F13B: variants seen among roughly 807,000 people sequenced by gnomAD.
F13B encodes coagulation factor XIII B chain, also known as TGase.
F13B carries 58 observed loss-of-function variants against 79.8 expected under a neutral mutation model. The ratio of observed to expected loss-of-function variants is 0.73; its 90% CI spans 0.59 to 0.90. The LOEUF (loss-of-function observed/expected upper bound fraction) is 0.90. Among genes scored for constraint, F13B ranks in the 40% least tolerant of loss-of-function variants. F13B has a pLI of 0.00. For missense variants in F13B, 773 were observed against 777.0 expected (o/e 0.99, Z 0.06); for synonymous variants, 283 against 260.3 (o/e 1.09, Z -0.84).
At chr1:197,045,847 A>G (rs1218775474) in intron 10 of F13B, among the ~76,000 whole-genome samples, 1 of 152,238 alleles carries the variant, frequency 6.6e-6, no homozygotes, top group East Asian at 1.9e-4. Flanking sequence ...CTGGGATGCA[A>G]TGCTGGTTCA....
intron 1 of F13B, among the ~76,000 whole-genome samples, chr1:197,066,848 C>T (rs1348461154): frequency 1.3e-5 from 2 of 152,024 alleles, no homozygotes; most frequent in African/African-American, 2.4e-5. Flanking sequence ...TTAAAGTTAA[C>T]ATGTGACTTC....
At chr1:197,067,069 TAGA>T (rs952462865) in intron 1 of F13B, 88 bp downstream of exon 1, 21 of 618,934 alleles carry the variant, frequency 3.4e-5, no homozygotes, top group African/African-American at 3.0e-4. Flanking sequence ...ATAATGAAAA[TAGA>T]AGAGTATATT....
chr1:197,062,770 C>T, intron 2 of F13B, 87 bp downstream of exon 2: 1 of 1,320,104 alleles, frequency 7.6e-7, no homozygotes. Context: ...AAAGGTTTAA[C>T]CGCTTTCCAT....
At position 197,060,450 on chromosome 1, in the gene F13B, A is replaced by G; in HGVS notation, c.721T>C (p.Cys241Arg). Reference protein sequence around the residue: ...YEEGDVVQFFCHENYYLSGSD... With the variant: ...YEEGDVVQFFRHENYYLSGSD... ...CCACTTAGATAATAATTTTCATGACAGAAAAACTGAACGACATCTCCTTCT... is the reference window on the plus strand; with the variant it reads ...CCACTTAGATAATAATTTTCATGACGGAAAAACTGAACGACATCTCCTTCT... The change falls in exon 5 of 12, where the codon TGT becomes CGT. Residue 241 changes from cysteine (C) to arginine (R), a missense_variant. Transcript: ENST00000367412. 1 of 1,610,442 alleles carries G rather than the reference A, an allele frequency of 6.2e-7. No homozygotes were observed. Among genetic ancestry groups the G allele is most frequent in the South Asian group, 1.1e-5 (1 of 90,666 alleles).
At position 197,060,434 on chromosome 1, in the gene F13B, T is replaced by G. The variant is rs1243578751; in HGVS notation, c.737A>C (p.Tyr246Ser). Residue 246 changes from tyrosine (Y) to serine (S), a missense_variant, in exon 5 of 12, where the codon TAT becomes TCT. Tyr to Ser is a moderately radical substitution (Grantham distance 144). Coordinates refer to ENST00000367412, the MANE Select transcript of F13B (RefSeq NM_001994.3). Reference protein sequence around the residue: ...VVQFFCHENYYLSGSDLIQCY... With the variant: ...VVQFFCHENYSLSGSDLIQCY... The stretch of plus-strand genomic sequence containing the variant: ...TTGAATTAAATCAGATCCACTTAGA[T>G]AATAATTTTCATGACAGAAAAACTG... 1 of 1,611,710 alleles carries G rather than the reference T, an allele frequency of 6.2e-7. No individual in the cohort carries two copies. Among genetic ancestry groups the G allele is most frequent in the African/African-American group, 1.3e-5 (1 of 74,860 alleles).
chr1:197,049,349 G>A (rs1655356853), intron 10 of F13B, among the ~76,000 whole-genome samples: 1 of 151,848 alleles, frequency 6.6e-6, no homozygotes, highest in Admixed American at 6.6e-5. Flanking sequence ...CTAATAAAAT[G>A]TATAGACCCT....
At chr1:197,057,757 G>A (rs1322073864) in intron 5 of F13B, among the ~76,000 whole-genome samples, 1 of 151,714 alleles carries the variant, frequency 6.6e-6, no homozygotes, top group Non-Finnish European at 1.5e-5. Context: ...CTTGCCAAGA[G>A]ACTCTCTATC....
chr1:197,066,893 G>A (rs1345757068), intron 1 of F13B, among the ~76,000 whole-genome samples: 1 of 152,034 alleles, frequency 6.6e-6, no homozygotes, highest in South Asian at 2.1e-4. Flanking sequence ...AAACCTTTTC[G>A]AAGTATTTAG....
At chr1:197,066,215 T>C (rs1465795551) in intron 1 of F13B, among the ~76,000 whole-genome samples, 1 of 152,198 alleles carries the variant, frequency 6.6e-6, no homozygotes, top group African/African-American at 2.4e-5. Flanking sequence ...TTCACTTTTA[T>C]AATTTTAATT....
At position 197,052,698 on chromosome 1, in the gene F13B, T is replaced by G. The variant is rs535360566; in HGVS notation, c.1491A>C (p.Pro497=). 10 of 1,612,134 alleles carry G rather than the reference T, an allele frequency of 6.2e-6. No individual in the cohort carries two copies. The East Asian group carries it at 1.6e-4, about 25-fold the overall frequency. The change falls in exon 9 of 12, where the codon CCA becomes CCC. Residue 497 remains proline, a synonymous_variant. Transcript: ENST00000367412. ...KQGYDLSPLT[P]LSELSVQCNR... ...TGCACTGCACAGATAATTCAGACAA[T>G]GGGGTTAATGGAGATAAGTCATATC...
intron 11 of F13B, chr1:197,040,306 G>T: frequency 2.0e-6 from 1 of 497,590 alleles, no homozygotes. Flanking sequence ...ATATCAAATG[G>T]CAAACGTTGC....
At position 197,057,068 on chromosome 1, in the gene F13B, T is replaced by C. The variant is rs747707592; in HGVS notation, c.1116A>G (p.Gly372=). ...YACKSGYLLH[G]SNEITCNRGK... ...CACGATTACAAGTTATCTCATTCGA[T>C]CCATGGAGAAGGTAGCCGCTTTTAC... The change falls in exon 7 of 12, where the codon GGA becomes GGG. Residue 372 remains glycine (G), a synonymous_variant. Coordinates refer to ENST00000367412, the MANE Select transcript of F13B (RefSeq NM_001994.3). The C allele has an allele frequency of 6.2e-7, 1 of 1,613,706 alleles. No homozygotes were observed. Among genetic ancestry groups the C allele is most frequent in the African/African-American group, 1.3e-5 (1 of 74,926 alleles).
At position 197,052,850 on chromosome 1, in the gene F13B, C is replaced by T. The variant is rs377130110; in HGVS notation, c.1355-16G>A. The stretch of plus-strand genomic sequence containing the variant: ...GTACATGGTTCTGTAAAACAAAATG[C>T]TCTTTTAAATTCTTTACTTGTCTGA... On this transcript the variant is annotated splice_polypyrimidine_tract_variant and intron_variant, in intron 8 of 11. Coordinates refer to ENST00000367412, the MANE Select transcript of F13B (RefSeq NM_001994.3). 10 of 1,590,802 alleles carry T rather than the reference C, an allele frequency of 6.3e-6. No homozygotes were observed. The African/African-American group carries it at 1.2e-4, about 19-fold the overall frequency.
intron 10 of F13B, among the ~76,000 whole-genome samples, chr1:197,043,221 C>A (rs17549818): frequency 0.015 from 2,292 of 152,190 alleles, 49 homozygotes; most frequent in African/African-American, 0.049. Flanking sequence ...ACACAACAAA[C>A]CCTCTGTAAA....
intron 10 of F13B, among the ~76,000 whole-genome samples, chr1:197,044,320 G>A (rs1256120151): frequency 6.6e-6 from 1 of 152,060 alleles, no homozygotes; most frequent in Admixed American, 6.6e-5. Flanking sequence ...CGTTATGGGG[G>A]GAGGGTCGTC....
At chr1:197,041,017 C>T (rs919726907) in intron 10 of F13B, among the ~76,000 whole-genome samples, 12 of 151,928 alleles carry the variant, frequency 7.9e-5, no homozygotes, top group African/African-American at 2.9e-4. Context: ...ATGTCATTAG[C>T]TTTTTCAAAG....
chr1:197,039,492 T>A, intron 11 of F13B, 81 bp from the exon 12 acceptor site: 1 of 1,071,624 alleles, frequency 9.3e-7, no homozygotes, highest in South Asian at 1.3e-5. Flanking sequence ...TTTCAATTTT[T>A]CATATAATGA....
At chr1:197,044,070 G>C (rs184635389) in intron 10 of F13B, among the ~76,000 whole-genome samples, 8 of 151,124 alleles carry the variant, frequency 5.3e-5, no homozygotes, top group Non-Finnish European at 1.2e-4. Context: ...TATATATATA[G>C]AGAGAGAGAG....
intron 10 of F13B, among the ~76,000 whole-genome samples, chr1:197,044,289 G>C (rs1418987895): frequency 6.6e-6 from 1 of 152,010 alleles, no homozygotes; most frequent in Non-Finnish European, 1.5e-5. Context: ...AGCAGTCTGA[G>C]ATCAACCTGT....
Sources: gnomAD v4.1 joint callset for allele counts (sites outside exome capture counted in the v4.1 genomes callset) on GRCh38, gnomAD v4.1.1 for gene constraint, MANE v1.5 for transcripts, NCBI Gene and HGNC (gene_info 2026-07-23, HGNC 2026-07-21) for gene names.